The following GAB3 variants were observed in gnomAD, a reference collection of about 807,000 sequenced individuals.
The protein encoded by GAB3 is GRB2-associated-binding protein 3.
Under a neutral mutation model 40.4 loss-of-function variants are expected in GAB3, and 12 were observed. The observed-to-expected ratio is 0.30, with a 90% CI of 0.19 to 0.48. The LOEUF (loss-of-function observed/expected upper bound fraction) is 0.48. GAB3 is among the 20% of genes least tolerant of loss of function. The pLI is 0.99. For synonymous variants in GAB3, 154 were observed against 176.7 expected, an observed-to-expected ratio of 0.87 and a Z score of 1.02; for missense variants, 381 against 461.9, an observed-to-expected ratio of 0.82 and a Z score of 1.61.
chrX:154,682,329 C>G (rs1444431469), intron 8 of GAB3, among the ~76,000 whole-genome samples: 1 of 111,980 alleles, frequency 8.9e-6, no homozygotes, highest in African/African-American at 3.2e-5. Flanking sequence ...ATCGCTTCAT[C>G]TAAGAATAAT....
intron 1 of GAB3, among the ~76,000 whole-genome samples, chrX:154,728,989 G>T (rs1308765993): frequency 8.9e-6 from 1 of 111,748 alleles, no homozygotes; most frequent in Non-Finnish European, 1.9e-5. Flanking sequence ...ACATGCACGT[G>T]TAAGGGGTGA....
rs182346650 is a variant in GAB3, at chrX:154,702,923, A to G, written c.1070-2864T>C. Among the ~76,000 whole-genome samples the G allele has an allele frequency of 3.6e-5, 4 of 112,543 alleles. No homozygotes were observed. The East Asian group carries it at 8.3e-4, about 23-fold the overall frequency. On this transcript the variant is annotated intron_variant, in intron 4 of 9. Coordinates refer to ENST00000424127, the MANE Select transcript of GAB3 (RefSeq NM_001081573.3). ...AAAGCTCAACATCATTGATCACTAA[A>G]GAAATGTAAATCAAAACCACAATAA... is the stretch of plus-strand genomic sequence containing the variant.
chrX:154,694,447 C>T (rs933356696), intron 8 of GAB3, among the ~76,000 whole-genome samples: 2 of 108,638 alleles, frequency 1.8e-5, no homozygotes, highest in African/African-American at 3.4e-5. Flanking sequence ...AGTGCAGTGG[C>T]GTTATCTCGA....
chrX:154,751,293 G>GT (rs1157690481), upstream of GAB3, among the ~76,000 whole-genome samples: 2 of 87,852 alleles, frequency 2.3e-5, no homozygotes, highest in Non-Finnish European at 4.3e-5. Flanking sequence ...CCGGGGGGGG[G>GT]GTGTGGGGGG....
At chrX:154,743,990 C>T (rs1044951490) in intron 1 of GAB3, among the ~76,000 whole-genome samples, 8 of 110,474 alleles carry the variant, frequency 7.2e-5, no homozygotes, top group Non-Finnish European at 1.3e-4. Flanking sequence ...CCAAGACAGG[C>T]GGATCACGAG....
intron 8 of GAB3, among the ~76,000 whole-genome samples, chrX:154,693,542 T>C (rs1446468751): frequency 4.5e-5 from 5 of 111,901 alleles, no homozygotes; most frequent in African/African-American, 1.6e-4. Flanking sequence ...GAAAGGACAA[T>C]ACTATAGTCA....
At chrX:154,687,411 C>T (rs1557248102) in intron 8 of GAB3, among the ~76,000 whole-genome samples, 2 of 109,592 alleles carry the variant, frequency 1.8e-5, no homozygotes, top group East Asian at 5.7e-4. Context: ...GCGGGCGGAT[C>T]ACAAGGTCAG....
At chrX:154,751,284 C>CG (rs1247944998), upstream of GAB3, among the ~76,000 whole-genome samples, 1,809 of 51,394 alleles carry the variant, frequency 0.035, 60 homozygotes, top group Middle Eastern at 0.06. Flanking sequence ...CGGCTGTGCC[C>CG]GGGGGGGGGG....
intron 5 of GAB3, 115 bp from the exon 6 acceptor site, chrX:154,699,628 G>T: frequency 1.7e-6 from 1 of 599,023 alleles, no homozygotes; most frequent in Non-Finnish European, 2.5e-6. Flanking sequence ...GTATAACTCT[G>T]AACTTCCTCA....
chrX:154,699,218 T>A, intron 6 of GAB3, 76 bp downstream of exon 6: 1 of 885,258 alleles, frequency 1.1e-6, no homozygotes, highest in Non-Finnish European at 1.7e-6. Context: ...GGTCTTCCTT[T>A]ACAGAAACCT....
chrX:154,691,128 T>C (rs1354095133), intron 8 of GAB3, among the ~76,000 whole-genome samples: 3 of 108,686 alleles, frequency 2.8e-5, no homozygotes, highest in African/African-American at 1.0e-4. Flanking sequence ...GGGACATGGA[T>C]GAAATTGGAA....
intron 8 of GAB3, among the ~76,000 whole-genome samples, chrX:154,694,315 C>T (rs2070617677): frequency 9.0e-6 from 1 of 111,420 alleles, no homozygotes; most frequent in Non-Finnish European, 1.9e-5. Context: ...CAGAGACAGT[C>T]ATTGATCAGT....
intron 1 of GAB3, 27 bp downstream of exon 1, chrX:154,750,927 C>A: frequency 1.3e-6 from 1 of 773,283 alleles, no homozygotes; most frequent in Non-Finnish European, 1.5e-6. Flanking sequence ...ACGCGAAGGC[C>A]GGGCGGGTGG....
At chrX:154,704,628 T>G (rs2070781523) in intron 4 of GAB3, among the ~76,000 whole-genome samples, 1 of 111,573 alleles carries the variant, frequency 9.0e-6, no homozygotes, top group Admixed American at 9.5e-5. Context: ...AAAAAGTTCG[T>G]TCTTCAAAAA....
chrX:154,730,643 T>C (rs1557259880), intron 1 of GAB3, among the ~76,000 whole-genome samples: 1 of 111,958 alleles, frequency 8.9e-6, no homozygotes, highest in Non-Finnish European at 1.9e-5. Flanking sequence ...GTTAATTTTC[T>C]ATTTTCTGCT....
chrX:154,726,058 A>G (rs1199348815), intron 1 of GAB3, among the ~76,000 whole-genome samples: 7 of 112,073 alleles, frequency 6.2e-5, no homozygotes, highest in African/African-American at 9.8e-5. Context: ...CCAAGAAATT[A>G]CTAAATATGC....
chrX:154,749,457 C>T (rs782665980), intron 1 of GAB3, among the ~76,000 whole-genome samples: 2 of 112,498 alleles, frequency 1.8e-5, no homozygotes, highest in Non-Finnish European at 3.8e-5. Context: ...AAAAGCCTCA[C>T]CTGCTCATGC....
At chrX:154,739,734 A>G (rs1007154434) in intron 1 of GAB3, among the ~76,000 whole-genome samples, 9 of 112,280 alleles carry the variant, frequency 8.0e-5, no homozygotes, top group African/African-American at 2.9e-4. Context: ...CATTTAAAAT[A>G]TATTTTTTAA....
chrX:154,735,968 G>A (rs1011905068), intron 1 of GAB3, among the ~76,000 whole-genome samples: 2 of 112,247 alleles, frequency 1.8e-5, no homozygotes, highest in South Asian at 7.4e-4. Context: ...AGTGGGGTAT[G>A]CCATTCCCAG....
Sources: gnomAD v4.1 joint callset for allele counts (sites outside exome capture counted in the v4.1 genomes callset) on GRCh38, gnomAD v4.1.1 for gene constraint, MANE v1.5 for transcripts, NCBI Gene and HGNC (gene_info 2026-07-23, HGNC 2026-07-21) for gene names.